The following BRF1 variants were observed in gnomAD, a reference collection of about 807,000 sequenced individuals.
The protein encoded by BRF1 is transcription factor IIIB 90 kDa subunit.
Under a neutral mutation model 81.7 loss-of-function variants are expected in BRF1, and 59 were observed. The ratio of observed to expected loss-of-function variants is 0.72; its 90% CI spans 0.59 to 0.90. The LOEUF is 0.90. BRF1 is among the 40% of genes least tolerant of loss of function. BRF1 has a pLI of 0.00. For synonymous variants in BRF1, 491 were observed against 395.6 expected (o/e 1.24, Z -2.86); for missense variants, 1,050 against 936.3 (o/e 1.12, Z -1.58).
At chr14:105,256,963 C>G (rs1320081575) in intron 3 of BRF1, among the ~76,000 whole-genome samples, 2 of 152,168 alleles carry the variant, frequency 1.3e-5, no homozygotes, top group African/African-American at 2.4e-5. Flanking sequence ...CACTCATGCT[C>G]CATCCCAAGG....
At chr14:105,214,641 G>GC (rs1890774744) in intron 15 of BRF1, among the ~76,000 whole-genome samples, 1 of 152,060 alleles carries the variant, frequency 6.6e-6, no homozygotes, top group Non-Finnish European at 1.5e-5. Flanking sequence ...AGGGAGATGG[G>GC]CTAGGCAGCC....
In BRF1 at chr14:105,217,767, G is replaced by A. The variant is rs1489457427; in HGVS notation, c.1549C>T (p.Gln517Ter). The change falls in exon 15 of 18, where the codon CAG becomes TAG. Residue 517 changes from glutamine to a stop codon, truncating the protein, a stop_gained. Transcript: ENST00000547530. LOFTEE classifies it high-confidence loss of function. ...KKSCKRREPI[Q>*]ASTAREAIEK... ...ATGGCCTCCCTGGCGGTACTGGCCT[G>A]AATTGGCTCCCGTCGCTTGCAAGAC... The A allele has an allele frequency of 6.2e-7, 1 of 1,613,074 alleles. No individual in the cohort carries two copies. Among genetic ancestry groups the A allele is most frequent in the Non-Finnish European group, 8.5e-7 (1 of 1,179,894 alleles).
intron 6 of BRF1, among the ~76,000 whole-genome samples, chr14:105,241,042 G>T (rs939092150): frequency 1.2e-4 from 18 of 152,234 alleles, no homozygotes; most frequent in South Asian, 4.1e-4. Context: ...TGCCCTGAGA[G>T]TTCTGCCCCT....
At position 105,220,141 on chromosome 14, in the gene BRF1, G is replaced by A. The variant is rs748363108; in HGVS notation, c.1316-11C>T. 30 of 1,613,258 alleles carry A rather than the reference G, an allele frequency of 1.9e-5. No individual in the cohort carries two copies. Among genetic ancestry groups the A allele is most frequent in the Non-Finnish European group, 2.0e-5 (24 of 1,179,990 alleles). ...CTCCTGAAGCATCTTCTGGAGGGAAGCACAGCATCCGCGTCACTCAGGGCC... is the reference window on the plus strand; with the variant it reads ...CTCCTGAAGCATCTTCTGGAGGGAAACACAGCATCCGCGTCACTCAGGGCC... On this transcript the variant is annotated splice_polypyrimidine_tract_variant and intron_variant, in intron 11 of 17. Coordinates refer to ENST00000547530, the MANE Select transcript of BRF1 (RefSeq NM_001519.4).
intron 11 of BRF1, among the ~76,000 whole-genome samples, chr14:105,220,799 G>A (rs1471412663): frequency 6.6e-6 from 1 of 152,234 alleles, no homozygotes; most frequent in Non-Finnish European, 1.5e-5. Flanking sequence ...CTCCTGCCAT[G>A]CTGCTCCAGG....
rs587628784 is a variant in BRF1 at position 105,295,601 on chromosome 14, C to A, written c.184+4845G>T. Among the ~76,000 whole-genome samples the A allele has an allele frequency of 2.6e-5, 4 of 151,530 alleles. No individual in the cohort carries two copies. The East Asian group carries it at 5.9e-4, about 22-fold the overall frequency. The stretch of plus-strand genomic sequence containing the variant: ...CAGGGTGACTGAGCAAGACCCTAGA[C>A]CCTGTCTCCCCAACCAAAAAAAAAT... On this transcript the variant is annotated intron_variant, in intron 1 of 17. Coordinates refer to ENST00000547530, the MANE Select transcript of BRF1 (RefSeq NM_001519.4).
chr14:105,248,061 A>G, intron 5 of BRF1: 1 of 985,496 alleles, frequency 1.0e-6, no homozygotes, highest in Non-Finnish European at 1.2e-6. Flanking sequence ...TGTGACCTTC[A>G]GCGCGCGACT....
intron 10 of BRF1, 181 bp from the exon 11 acceptor site, chr14:105,222,095 G>T: frequency 3.0e-6 from 2 of 660,386 alleles, no homozygotes; most frequent in South Asian, 4.8e-5. Flanking sequence ...GCGGAAGTTA[G>T]CTCAAAGCAG....
chr14:105,257,773 C>T (rs914661906), intron 3 of BRF1, among the ~76,000 whole-genome samples: 3 of 152,094 alleles, frequency 2.0e-5, no homozygotes, highest in Admixed American at 6.6e-5. Flanking sequence ...CACACACCAA[C>T]GGGAAAAGTG....
At chr14:105,313,387 C>T (rs1468326499) in intron 1 of BRF1, among the ~76,000 whole-genome samples, 1 of 152,200 alleles carries the variant, frequency 6.6e-6, no homozygotes, top group African/African-American at 2.4e-5. Context: ...GCCCTCTGCC[C>T]GCCGAGCAGC....
intron 5 of BRF1, 61 bp from the exon 6 acceptor site, chr14:105,241,475 C>A: frequency 6.3e-7 from 1 of 1,595,390 alleles, no homozygotes; most frequent in Non-Finnish European, 8.5e-7. Flanking sequence ...GCACAGGCGG[C>A]CCACGCAGCC....
chr14:105,254,312 A>G (rs2055761504), intron 4 of BRF1, among the ~76,000 whole-genome samples: 1 of 152,210 alleles, frequency 6.6e-6, no homozygotes, highest in Non-Finnish European at 1.5e-5. Flanking sequence ...GCTGGAGTGC[A>G]GTGGTGCAAT....
chr14:105,228,872 C>G lies in BRF1; in HGVS notation c.736G>C (p.Val246Leu). The G allele has an allele frequency of 6.2e-7, 1 of 1,613,876 alleles. No homozygotes were observed. The highest frequency in any genetic ancestry group is 8.5e-7 in the Non-Finnish European group (1 of 1,180,014). Residue 246 changes from valine (V) to leucine (L), a missense_variant, in exon 7 of 18, where the codon GTG becomes CTG. Val to Leu is a conservative substitution (Grantham distance 32). Around this residue, in one of 2 missense-constraint regions of BRF1, gnomAD observed 1,043 missense variants for 915.4 expected, o/e 1.14. Transcript: ENST00000547530. Reference sequence around the variant, plus strand: ...TTGACCACACTGATGACCTCCTTCACAGTCCTCCTGAAGTCATGCATTCTG... The same window carrying G: ...TTGACCACACTGATGACCTCCTTCAGAGTCCTCCTGAAGTCATGCATTCTG... ...AARMHDFRRT[V>L]KEVISVVKVC...
In BRF1 at chr14:105,229,481, T is replaced by C. The variant is rs587689065; in HGVS notation, c.695-568A>G. Among the ~76,000 whole-genome samples, 17 of 151,986 alleles carry C rather than the reference T, an allele frequency of 1.1e-4. 1 individual carries two copies. Among genetic ancestry groups the C allele is most frequent in the East Asian group, 3.9e-4 (2 of 5,176 alleles). On this transcript the variant is annotated intron_variant, in intron 6 of 17. Transcript: ENST00000547530. ...CGAGGGTAAGGGCCCGGATGAGGAG[T>C]GAGGGCCCTGCCGACCTGGGGCTCC...
At chr14:105,259,496 G>A (rs897983445) in intron 3 of BRF1, among the ~76,000 whole-genome samples, 2 of 152,198 alleles carry the variant, frequency 1.3e-5, no homozygotes, top group African/African-American at 4.8e-5. Flanking sequence ...AATGTTCATA[G>A]CAGCTTCATT....
At position 105,241,289 on chromosome 14, in the gene BRF1, G is replaced by C; in HGVS notation, c.670C>G (p.Arg224Gly). ...CCTGCTCCGCAGAGGCCCGAGGGGC[G>C]CCGGCCTGTGTGCATCCAGTCCCGC... ...MKRDWMHTGR[R>G]PSGLCGAALL... Residue 224 changes from arginine (R) to glycine (G), a missense_variant, in exon 6 of 18, where the codon CGC (arginine) becomes GGC (glycine). By Grantham distance (125) the Arg-to-Gly change is moderately radical (BLOSUM62 -2). Coordinates refer to ENST00000547530, the MANE Select transcript of BRF1 (RefSeq NM_001519.4). The C allele has an allele frequency of 5.0e-6, 8 of 1,612,154 alleles. No individual in the cohort carries two copies. The highest frequency in any genetic ancestry group is 5.9e-6 in the Non-Finnish European group (7 of 1,179,832).
upstream of BRF1, chr14:105,301,099 G>A (rs1433160026): frequency 6.6e-6 from 1 of 152,330 alleles, no homozygotes; most frequent in Non-Finnish European, 1.5e-5. Context: ...GCTAAGGGTG[G>A]GGCCTCGCGG....
In BRF1 at chr14:105,209,784, G is replaced by A. The variant is rs1260837341; in HGVS notation, c.*767C>T. 4 of 532,494 alleles carry A rather than the reference G, an allele frequency of 7.5e-6. No homozygotes were observed. Among genetic ancestry groups the A allele is most frequent in the Admixed American group, 3.6e-5 (1 of 27,940 alleles). The allele number at this position is 532,494 out of a possible 1,614,324, so 33.0% of individuals were successfully genotyped here. A position where few individuals can be genotyped will look rare whatever the true frequency, so the allele number is the denominator to read the frequency against. On this transcript the variant is annotated 3_prime_UTR_variant, in exon 18 of 18. Coordinates refer to ENST00000547530, the MANE Select transcript of BRF1 (RefSeq NM_001519.4). Reference sequence around the variant, plus strand: ...AGAGCTATGCTCAGGACGGGTGGGCGCCGGTCTCAGCTGTCGGGCACTCAG... The same window carrying A: ...AGAGCTATGCTCAGGACGGGTGGGCACCGGTCTCAGCTGTCGGGCACTCAG...
In BRF1 at chr14:105,209,567, T is replaced by C. The variant is rs2141327186; in HGVS notation, c.*984A>G. On this transcript the variant is annotated 3_prime_UTR_variant, in exon 18 of 18. Transcript: ENST00000547530. Reference sequence around the variant, plus strand: ...ACATCCGGGGCAGCCATGCCAGAGCTGAGACCTCCTACGAGTGGTACTGGG... The same window carrying C: ...ACATCCGGGGCAGCCATGCCAGAGCCGAGACCTCCTACGAGTGGTACTGGG... 1 of 702,686 alleles carries C rather than the reference T, an allele frequency of 1.4e-6. No individual in the cohort carries two copies. The highest frequency in any genetic ancestry group is 2.0e-5 in the Admixed American group (1 of 50,002). The allele number at this position is 702,686 out of a possible 1,614,324, so 43.5% of individuals were successfully genotyped here.
Sources: allele counts gnomAD v4.1 joint callset (sites outside exome capture counted in the v4.1 genomes callset), GRCh38; gene constraint gnomAD v4.1.1; regional missense constraint gnomAD v4.1.1; transcripts MANE v1.5; gene names NCBI Gene and HGNC (gene_info 2026-07-23, HGNC 2026-07-21).